The following ATP8A2 variants were observed in gnomAD, a reference collection of about 807,000 sequenced individuals.
ATP8A2 encodes phospholipid-transporting ATPase IB.
In ATP8A2, 100 loss-of-function variants were observed where a neutral mutation model predicts 165.6. The observed-to-expected ratio is 0.60, with a 90% CI of 0.51 to 0.71. ATP8A2 has a LOEUF of 0.71. ATP8A2 is among the 30% of genes least tolerant of loss of function. The pLI, the probability that ATP8A2 is intolerant of heterozygous loss-of-function variation, is 0.00. For synonymous variants in ATP8A2, 543 were observed against 548.8 expected (o/e 0.99, Z 0.15); for missense variants, 1,227 against 1,479.5 (o/e 0.83, Z 2.80).
intron 24 of ATP8A2, among the ~76,000 whole-genome samples, chr13:25,684,024 CTG>C (rs1390821540): frequency 6.6e-6 from 1 of 152,124 alleles, no homozygotes; most frequent in Non-Finnish European, 1.5e-5. Context: ...TGTCTTAAGA[CTG>C]TGATATAAAA....
At chr13:25,925,450 C>T (rs753757653) in intron 33 of ATP8A2, among the ~76,000 whole-genome samples, 6 of 150,828 alleles carry the variant, frequency 4.0e-5, no homozygotes, top group East Asian at 2.0e-4. Flanking sequence ...AGGAGAATGG[C>T]GTGAGCTCTG....
At chr13:26,001,353 ATCTG>A (rs909431056) in intron 35 of ATP8A2, among the ~76,000 whole-genome samples, 6 of 152,178 alleles carry the variant, frequency 3.9e-5, no homozygotes, top group Non-Finnish European at 7.4e-5. Context: ...TTGTACTGGT[ATCTG>A]TCTGAGTCCA....
intron 6 of ATP8A2, among the ~76,000 whole-genome samples, chr13:25,534,951 A>C (rs766851346): frequency 7.9e-5 from 12 of 152,124 alleles, no homozygotes; most frequent in Non-Finnish European, 1.5e-4. Flanking sequence ...TAGGGAGCAC[A>C]CTCAAGAACC....
chr13:25,969,212 C>A (rs1955857980), intron 35 of ATP8A2, among the ~76,000 whole-genome samples: 1 of 152,182 alleles, frequency 6.6e-6, no homozygotes, highest in African/African-American at 2.4e-5. Flanking sequence ...ACAGACACTG[C>A]CGCTTGCTCT....
At chr13:25,422,609 C>T (rs1304923219) in intron 1 of ATP8A2, among the ~76,000 whole-genome samples, 1 of 152,182 alleles carries the variant, frequency 6.6e-6, no homozygotes, top group Non-Finnish European at 1.5e-5. Flanking sequence ...TTGACCTTCA[C>T]ACGAGTCAGC....
At chr13:25,460,246 C>T (rs114188744) in intron 1 of ATP8A2, among the ~76,000 whole-genome samples, 1,751 of 152,260 alleles carry the variant, frequency 0.012, 36 homozygotes, top group African/African-American at 0.04. Flanking sequence ...ATGCTCAGGA[C>T]AGGCAAACCA....
chr13:25,433,794 G>A (rs377683366), intron 1 of ATP8A2, among the ~76,000 whole-genome samples: 77 of 152,310 alleles, frequency 5.1e-4, no homozygotes, highest in African/African-American at 1.8e-3. Context: ...ATACTACACA[G>A]CCATAAAACA....
chr13:25,915,077 A>G (rs1039299220), intron 33 of ATP8A2, among the ~76,000 whole-genome samples: 4 of 152,220 alleles, frequency 2.6e-5, no homozygotes, highest in African/African-American at 9.6e-5. Context: ...TTTCTGTTCT[A>G]AAGTGCTTCT....
rs368548362 is a variant in ATP8A2, at chr13:25,495,056, ACACCTATGTAAGCC to A, written c.221+25941_221+25954del. Among the ~76,000 whole-genome samples, 349 of 152,250 alleles carry A rather than the reference ACACCTATGTAAGCC, an allele frequency of 2.3e-3. 4 individuals carry two copies. Among genetic ancestry groups the A allele is most frequent in the African/African-American group, 7.7e-3 (320 of 41,538 alleles). ...TGTGGCCAGCTACCTCCCAAACCAAACACCTATGTAAGCCCACCTTGGTTGTTGTTCCTGAGCAC... is the reference window on the plus strand; with the variant it reads ...TGTGGCCAGCTACCTCCCAAACCAAACACCTTGGTTGTTGTTCCTGAGCAC... On this transcript the variant is annotated intron_variant, in intron 2 of 36. Transcript: ENST00000381655.
chr13:25,384,658 TCTAA>T (rs140179242), intron 1 of ATP8A2, among the ~76,000 whole-genome samples: 1,876 of 152,356 alleles, frequency 0.012, 39 homozygotes, highest in African/African-American at 0.042. Context: ...TGGAAAGATC[TCTAA>T]CTGACTCTTT....
At chr13:25,654,911 T>C (rs1424122081) in intron 24 of ATP8A2, among the ~76,000 whole-genome samples, 1 of 152,188 alleles carries the variant, frequency 6.6e-6, no homozygotes, top group African/African-American at 2.4e-5. Flanking sequence ...ATTCAACTGT[T>C]TTCAACAGAA....
At chr13:25,582,808 A>C (rs2039812045) in intron 23 of ATP8A2, among the ~76,000 whole-genome samples, 1 of 152,192 alleles carries the variant, frequency 6.6e-6, no homozygotes, top group Non-Finnish European at 1.5e-5. Context: ...CTTATCTTTG[A>C]ATCAGCTTTG....
intron 24 of ATP8A2, chr13:25,649,124 C>A (rs2041750846): frequency 2.2e-6 from 1 of 449,336 alleles, no homozygotes; most frequent in African/African-American, 2.0e-5. Context: ...GAGATAACAA[C>A]CTTTTCCAGC....
chr13:25,986,519 T>A (rs1323088775), intron 35 of ATP8A2, among the ~76,000 whole-genome samples: 1 of 152,238 alleles, frequency 6.6e-6, no homozygotes, highest in Non-Finnish European at 1.5e-5. Flanking sequence ...TTCGTCCATG[T>A]TGTCACCAAT....
chr13:25,696,609 A>T (rs2042839539), intron 24 of ATP8A2, among the ~76,000 whole-genome samples: 1 of 152,190 alleles, frequency 6.6e-6, no homozygotes, highest in African/African-American at 2.4e-5. Flanking sequence ...TCATAAACCA[A>T]TATCTGCTAA....
chr13:25,427,774 G>A (rs1312415010), intron 1 of ATP8A2, among the ~76,000 whole-genome samples: 1 of 152,096 alleles, frequency 6.6e-6, no homozygotes, highest in African/African-American at 2.4e-5. Context: ...GGTGCTTGTA[G>A]TCCCAGCTAC....
At chr13:25,439,462 A>G (rs1430426299) in intron 1 of ATP8A2, among the ~76,000 whole-genome samples, 1 of 152,182 alleles carries the variant, frequency 6.6e-6, no homozygotes, top group Non-Finnish European at 1.5e-5. Context: ...ATGTTCAAGG[A>G]TAATGTATGT....
chr13:25,571,635 T>C lies in ATP8A2; in HGVS notation c.1605T>C (p.Ala535=). 1 of 1,613,952 alleles carries C rather than the reference T, an allele frequency of 6.2e-7. No individual in the cohort carries two copies. Among genetic ancestry groups the C allele is most frequent in the Non-Finnish European group, 8.5e-7 (1 of 1,179,972 alleles). Residue 535 remains alanine, a synonymous_variant, in exon 18 of 37, where the codon GCT becomes GCC. Transcript: ENST00000381655. ...ATGAAGCTGCTTTGGTGAAAGGAGCTAAAAAGCTGGGCTTTGTCTTCACAG... is the reference window on the plus strand; with the variant it reads ...ATGAAGCTGCTTTGGTGAAAGGAGCCAAAAAGCTGGGCTTTGTCTTCACAG... The part of the protein sequence containing the change: ...SPDEAALVKG[A]KKLGFVFTAR...
At chr13:25,570,297 A>ACG (rs778349039) in intron 16 of ATP8A2, among the ~76,000 whole-genome samples, 2 of 152,230 alleles carry the variant, frequency 1.3e-5, no homozygotes, top group Non-Finnish European at 2.9e-5. Flanking sequence ...GGCAGAACAC[A>ACG]CGCTTCCGGA....
Sources: gnomAD v4.1 joint callset for allele counts (sites outside exome capture counted in the v4.1 genomes callset) on GRCh38, gnomAD v4.1.1 for gene constraint, MANE v1.5 for transcripts, NCBI Gene and HGNC (gene_info 2026-07-23, HGNC 2026-07-21) for gene names.